The following KIRREL3 variants were observed in gnomAD, a reference collection of about 807,000 sequenced individuals.
KIRREL3 encodes kirre like nephrin family adhesion molecule 3, also known as kin of IRRE-like protein 3.
A neutral mutation model predicts 89.7 loss-of-function variants in KIRREL3; 36 were observed. The observed-to-expected ratio is 0.40, with a 90% CI of 0.31 to 0.53. The LOEUF (loss-of-function observed/expected upper bound fraction) is 0.53, where lower values mean the gene tolerates loss of function less well. KIRREL3 is among the 20% of genes least tolerant of loss of function. The pLI is 0.49. For synonymous variants in KIRREL3, 445 were observed against 441.4 expected, an observed-to-expected ratio of 1.01 and a Z score of -0.10; for missense variants, 864 against 1,056.6, an observed-to-expected ratio of 0.82 and a Z score of 2.53.
rs567216313 is a variant in KIRREL3 at position 126,554,878 on chromosome 11, G to C, written c.133+7957C>G. 4.6e-5 allele frequency among the ~76,000 whole-genome samples: 7 copies of C among 152,230 alleles called. No individual in the cohort carries two copies. In the South Asian group the frequency reaches 1.5e-3, roughly 32 times the overall value. On this transcript the variant is annotated intron_variant, in intron 2 of 16. Coordinates refer to ENST00000525144, the MANE Select transcript of KIRREL3 (RefSeq NM_032531.4). ...GGCAGAGTAACACAAGCGGCTGAGC[G>C]TCAGGGATACAAGTGGCTGAGTGGT...
rs1318098836 is a variant in KIRREL3, at chr11:126,455,081, G to A, written c.848+1268C>T. ...TCCCTGTTCTCCATTCCCACAGGCC[G>A]GCTTATTTCCTAGGCTGGCACCATT... On this transcript the variant is annotated intron_variant, in intron 7 of 16. Transcript: ENST00000525144. The surrounding 1 kb of genome is among the most constrained non-coding windows in gnomAD (Gnocchi z 6.4). Among the ~76,000 whole-genome samples, 2 of 152,184 alleles carry A rather than the reference G, an allele frequency of 1.3e-5. No individual in the cohort carries two copies. Among genetic ancestry groups the A allele is most frequent in the Admixed American group, 6.5e-5 (1 of 15,282 alleles).
At position 126,525,252 on chromosome 11, in the gene KIRREL3, G is replaced by A. The variant is rs900516613; in HGVS notation, c.283+1286C>T. Among the ~76,000 whole-genome samples the A allele has an allele frequency of 4.6e-5, 7 of 152,288 alleles. No individual in the cohort carries two copies. Among genetic ancestry groups the A allele is most frequent in the East Asian group, 1.9e-4 (1 of 5,184 alleles). Reference sequence around the variant, plus strand: ...ACCCCAGACAGCCTCCTTAACTAGCGGCAGCGCTCATCCCAGCTCGGAGCC... The same window carrying A: ...ACCCCAGACAGCCTCCTTAACTAGCAGCAGCGCTCATCCCAGCTCGGAGCC... On this transcript the variant is annotated intron_variant, in intron 3 of 16. Transcript: ENST00000525144. The surrounding 1 kb of genome is among the most constrained non-coding windows in gnomAD (Gnocchi z 5.4).
chr11:126,508,487 C>A lies in KIRREL3; in HGVS notation c.433+12828G>T, dbSNP rs1001932590. 3.9e-5 allele frequency among the ~76,000 whole-genome samples: 6 copies of A among 152,078 alleles called. No individual in the cohort carries two copies. The highest frequency in any genetic ancestry group is 2.4e-5 in the African/African-American group (1 of 41,390). On this transcript the variant is annotated intron_variant, in intron 4 of 16. Coordinates refer to ENST00000525144, the MANE Select transcript of KIRREL3 (RefSeq NM_032531.4). This position sits in a 1 kb window ranked among gnomAD's most constrained non-coding sequence, Gnocchi z 4.9. ...GGCTGCCAGGAAGGGTTTTTGGAAG[C>A]CTTGGGTTTGCTCTTCGAGCCGACT...
Position 126,473,013 on chromosome 11 carries a change from GC to G in KIRREL3, c.591+295del, listed in dbSNP as rs1282224029. 1.1e-3 allele frequency among the ~76,000 whole-genome samples: 24 copies of G among 22,574 alleles called. 1 individual carries two copies. Among genetic ancestry groups the G allele is most frequent in the African/African-American group, 5.4e-3 (21 of 3,864 alleles). 14.8% of individuals were successfully genotyped at this position (22,574 alleles called of 152,430 possible). The stretch of plus-strand genomic sequence containing the variant: ...CCTAACCCCCAGCCCCTGCCAACCA[GC>G]CCCCCACTATCCTCCCCTCTACCTA... On this transcript the variant is annotated intron_variant, in intron 5 of 16. Coordinates refer to ENST00000525144, the MANE Select transcript of KIRREL3 (RefSeq NM_032531.4).
At chr11:126,692,485 C>T (rs554920581) in intron 1 of KIRREL3, among the ~76,000 whole-genome samples, 84 of 119,332 alleles carry the variant, frequency 7.0e-4, no homozygotes, top group African/African-American at 2.7e-3. Context: ...GCGGAGGTTG[C>T]AGTGAGCTAA....
At position 127,000,767 on chromosome 11, in the gene KIRREL3, C is replaced by A. The variant is rs1003034788; in HGVS notation, c.-258G>T. The A allele has an allele frequency of 4.8e-5, 24 of 505,152 alleles. 1 individual carries two copies. In the South Asian group the frequency reaches 8.3e-4, roughly 18 times the overall value. 31.3% of individuals were successfully genotyped at this position (505,152 alleles called of 1,614,324 possible). On this transcript the variant is annotated 5_prime_UTR_variant, in exon 1 of 17. Transcript: ENST00000525144. The surrounding 1 kb of genome is among the most constrained non-coding windows in gnomAD (Gnocchi z 7.1). ...TGTCCCCACTCGGAGAAGATCCATT[C>A]TCTGGCTCTTGGCATCCCAGGCACA...
At chr11:126,717,575 G>C (rs1378553735) in intron 1 of KIRREL3, among the ~76,000 whole-genome samples, 1 of 152,170 alleles carries the variant, frequency 6.6e-6, no homozygotes, top group African/African-American at 2.4e-5. Context: ...CACACACCTT[G>C]TCCTCCATCC....
rs1220291277 is a variant in KIRREL3, at chr11:126,495,741, C to T, written c.434-22275G>A. On this transcript the variant is annotated intron_variant, in intron 4 of 16. Transcript: ENST00000525144. This position sits in a 1 kb window ranked among gnomAD's most constrained non-coding sequence, Gnocchi z 6.5. ...CCCTCTCTGAGCCCATGTGGGCACT[C>T]CCTGCCCTTCTCACCGCTCTCCTTG... Among the ~76,000 whole-genome samples, 1 of 152,170 alleles carries T rather than the reference C, an allele frequency of 6.6e-6. No homozygotes were observed. The highest frequency in any genetic ancestry group is 1.5e-5 in the Non-Finnish European group (1 of 68,022).
rs1451925174 is a variant in KIRREL3, at chr11:126,606,431, T to C, written c.56-43519A>G. Among the ~76,000 whole-genome samples, 1 of 152,166 alleles carries C rather than the reference T, an allele frequency of 6.6e-6. No individual in the cohort carries two copies. The highest frequency in any genetic ancestry group is 1.5e-5 in the Non-Finnish European group (1 of 68,026). On this transcript the variant is annotated intron_variant, in intron 1 of 16. Transcript: ENST00000525144. The surrounding 1 kb of genome is among the most constrained non-coding windows in gnomAD (Gnocchi z 4.6). ...TGTGAGGAGTGAGCAGATTATGACA[T>C]GTACATCCTTTGGAACACAGACCCA...
chr11:126,464,553 GAAAA>G (rs1956658353), intron 5 of KIRREL3, among the ~76,000 whole-genome samples: 4 of 151,148 alleles, frequency 2.6e-5, no homozygotes, highest in African/African-American at 9.7e-5. Flanking sequence ...AAAAGAAAAA[GAAAA>G]AGAAGAAGGA....
At position 126,795,757 on chromosome 11, in the gene KIRREL3, T is replaced by G. The variant is rs1389058234; in HGVS notation, c.55+204698A>C. ...CCTAAAAATCCTCAAAAAAATGAAG[T>G]TTTTTAATTAAAAAGAATTACAGAG... On this transcript the variant is annotated intron_variant, in intron 1 of 16. Transcript: ENST00000525144. This position sits in a 1 kb window ranked among gnomAD's most constrained non-coding sequence, Gnocchi z 4.1. Among the ~76,000 whole-genome samples, 1 of 152,076 alleles carries G rather than the reference T, an allele frequency of 6.6e-6. No homozygotes were observed. Among genetic ancestry groups the G allele is most frequent in the Non-Finnish European group, 1.5e-5 (1 of 68,016 alleles).
chr11:126,600,693 A>G (rs558831146), intron 1 of KIRREL3, among the ~76,000 whole-genome samples: 6 of 152,318 alleles, frequency 3.9e-5, no homozygotes, highest in Admixed American at 6.5e-5. Flanking sequence ...TAGAGCTCCA[A>G]TGAGATGATT....
At chr11:126,586,556 A>G (rs1941868277) in intron 1 of KIRREL3, among the ~76,000 whole-genome samples, 1 of 151,704 alleles carries the variant, frequency 6.6e-6, no homozygotes, top group African/African-American at 2.4e-5. Context: ...CATTTTATAA[A>G]CCCGAGGCTC....
chr11:126,544,910 G>A lies in KIRREL3; in HGVS notation c.133+17925C>T, dbSNP rs765303072. Among the ~76,000 whole-genome samples, 8 of 152,108 alleles carry A rather than the reference G, an allele frequency of 5.3e-5. No homozygotes were observed. The highest frequency in any genetic ancestry group is 8.8e-5 in the Non-Finnish European group (6 of 68,028). ...CTCTAACCTATTTAGGCCACAGAGA[G>A]GGGAGAAGACACAATAATGAAAAAC... is the stretch of plus-strand genomic sequence containing the variant. On this transcript the variant is annotated intron_variant, in intron 2 of 16. Coordinates refer to ENST00000525144, the MANE Select transcript of KIRREL3 (RefSeq NM_032531.4). This position sits in a 1 kb window ranked among gnomAD's most constrained non-coding sequence, Gnocchi z 5.6.
At chr11:126,834,535 G>A (rs1334045825) in intron 1 of KIRREL3, among the ~76,000 whole-genome samples, 1 of 152,208 alleles carries the variant, frequency 6.6e-6, no homozygotes, top group Non-Finnish European at 1.5e-5. Context: ...GCTCACTATT[G>A]AGGAAAAATT....
Position 126,557,431 on chromosome 11 carries a change from T to C in KIRREL3, c.133+5404A>G, listed in dbSNP as rs1349708657. Among the ~76,000 whole-genome samples the C allele has an allele frequency of 6.6e-6, 1 of 152,156 alleles. No homozygotes were observed. On this transcript the variant is annotated intron_variant, in intron 2 of 16. Transcript: ENST00000525144. This position sits in a 1 kb window ranked among gnomAD's most constrained non-coding sequence, Gnocchi z 5.6. The stretch of plus-strand genomic sequence containing the variant: ...GCTGGGTGTTGAGATCCAAGATAGA[T>C]TTTTGAATCATCACATTTTAGAGAC...
Position 126,561,498 on chromosome 11 carries a change from C to T in KIRREL3, c.133+1337G>A, listed in dbSNP as rs1423628995. Reference sequence around the variant, plus strand: ...ATTCAGCACCACGGACAGAGGCACGCTGTCAGTTCCCACAAATTAGAAGTT... The same window carrying T: ...ATTCAGCACCACGGACAGAGGCACGTTGTCAGTTCCCACAAATTAGAAGTT... On this transcript the variant is annotated intron_variant, in intron 2 of 16. Transcript: ENST00000525144. This position sits in a 1 kb window ranked among gnomAD's most constrained non-coding sequence, Gnocchi z 4.5. Among the ~76,000 whole-genome samples, 2 of 152,230 alleles carry T rather than the reference C, an allele frequency of 1.3e-5. No homozygotes were observed. The highest frequency in any genetic ancestry group is 1.9e-4 in the East Asian group (1 of 5,200).
At chr11:126,819,586 C>T (rs1309804820) in intron 1 of KIRREL3, among the ~76,000 whole-genome samples, 1 of 152,232 alleles carries the variant, frequency 6.6e-6, no homozygotes, top group East Asian at 1.9e-4. Context: ...ATCTGCTTCG[C>T]AGGTACGATG....
At chr11:126,949,755 G>GGT in intron 1 of KIRREL3, among the ~76,000 whole-genome samples, 1 of 152,274 alleles carries the variant, frequency 6.6e-6, no homozygotes, top group East Asian at 1.9e-4. Flanking sequence ...ACTCAGTGTA[G>GGT]GAGACTTCAT....
Sources: gnomAD v4.1 joint callset for allele counts (sites outside exome capture counted in the v4.1 genomes callset) on GRCh38, gnomAD v4.1.1 for gene constraint, Gnocchi (gnomAD v3.1) non-coding constraint, MANE v1.5 for transcripts, NCBI Gene and HGNC (gene_info 2026-07-23, HGNC 2026-07-21) for gene names.